LY96: variants seen among roughly 807,000 people sequenced by gnomAD.
LY96 encodes lymphocyte antigen 96.
A neutral mutation model predicts 18.9 loss-of-function variants in LY96; 18 were observed. The ratio of observed to expected loss-of-function variants is 0.95; its 90% CI spans 0.66 to 1.41. LY96 has a LOEUF of 1.41. LY96 is among the 40% of genes most tolerant of loss of function. The pLI, the probability that LY96 is intolerant of heterozygous loss-of-function variation, is 0.00. For synonymous variants in LY96, 66 were observed against 62.6 expected (o/e 1.06, Z -0.26); for missense variants, 175 against 182.4 (o/e 0.96, Z 0.23).
At chr8:73,997,162 C>A (rs911137932) in intron 1 of LY96, among the ~76,000 whole-genome samples, 2 of 152,202 alleles carry the variant, frequency 1.3e-5, no homozygotes, top group African/African-American at 4.8e-5. Flanking sequence ...CGGCCTTAAA[C>A]CTGTTTCTGT....
the LY96 span, among the ~76,000 whole-genome samples, chr8:74,057,295 C>A: frequency 6.6e-6 from 1 of 152,084 alleles, no homozygotes; most frequent in African/African-American, 2.4e-5. Flanking sequence ...TCAAAAGAAG[C>A]CTGCAGGCTT....
chr8:74,040,375 T>G, the LY96 span, among the ~76,000 whole-genome samples: 1 of 152,228 alleles, frequency 6.6e-6, no homozygotes, highest in Non-Finnish European at 1.5e-5. Flanking sequence ...TTTGGTTGCT[T>G]GTGCTTGTGG....
chr8:74,013,699 A>AG (rs1373716327), intron 3 of LY96, among the ~76,000 whole-genome samples: 2 of 152,174 alleles, frequency 1.3e-5, no homozygotes, highest in African/African-American at 4.8e-5. Flanking sequence ...TCAGAGGGTG[A>AG]GGGGGAAAAA....
chr8:74,024,794 C>T (rs1439021240), intron 3 of LY96, among the ~76,000 whole-genome samples: 6 of 151,822 alleles, frequency 4.0e-5, no homozygotes, highest in Non-Finnish European at 7.4e-5. Context: ...TTTTAGGGGT[C>T]TTTTTTTGGT....
At chr8:73,998,910 A>T (rs1002554429) in intron 1 of LY96, among the ~76,000 whole-genome samples, 4 of 151,052 alleles carry the variant, frequency 2.6e-5, no homozygotes, top group African/African-American at 9.7e-5. Context: ...AGTTTATTGT[A>T]TTCCTCCTGG....
At chr8:74,011,510 G>C (rs547149434) in intron 3 of LY96, among the ~76,000 whole-genome samples, 1 of 152,246 alleles carries the variant, frequency 6.6e-6, no homozygotes, top group South Asian at 2.1e-4. Context: ...TATTCAGAAT[G>C]TACAAAGAAC....
chr8:74,006,505 C>T (rs1464507645), intron 2 of LY96, among the ~76,000 whole-genome samples: 1 of 152,140 alleles, frequency 6.6e-6, no homozygotes, highest in Non-Finnish European at 1.5e-5. Flanking sequence ...GCCAATAAGA[C>T]ATTCTCCTGA....
chr8:74,037,477 T>A, the LY96 span, among the ~76,000 whole-genome samples: 1 of 151,494 alleles, frequency 6.6e-6, no homozygotes, highest in South Asian at 2.1e-4. Context: ...AAAAATAAAA[T>A]AAAAATTAGC....
At chr8:74,029,985 G>A (rs749342019), downstream of LY96, among the ~76,000 whole-genome samples, 8 of 152,140 alleles carry the variant, frequency 5.3e-5, no homozygotes, top group Non-Finnish European at 1.2e-4. Context: ...CCAGTCTTGG[G>A]TATTTCTTCA....
At chr8:74,007,711 T>G (rs777930855) in intron 2 of LY96, among the ~76,000 whole-genome samples, 92 of 152,228 alleles carry the variant, frequency 6.0e-4, no homozygotes, top group Non-Finnish European at 4.6e-4. Context: ...TGGAATTGTC[T>G]TTGGTAAGCT....
the LY96 span, among the ~76,000 whole-genome samples, chr8:74,056,970 G>C: frequency 2.0e-5 from 3 of 152,182 alleles, no homozygotes; most frequent in Admixed American, 6.5e-5. Context: ...GGCAGCGACA[G>C]ACAACTAAGT....
the LY96 span, among the ~76,000 whole-genome samples, chr8:74,067,547 A>T: frequency 6.6e-6 from 1 of 152,046 alleles, no homozygotes; most frequent in South Asian, 2.1e-4. Context: ...AGAGTTTGAC[A>T]CAGTGACTCC....
At chr8:74,060,248 T>C in the LY96 span, among the ~76,000 whole-genome samples, 1 of 152,222 alleles carries the variant, frequency 6.6e-6, no homozygotes, top group East Asian at 1.9e-4. Flanking sequence ...AAGTTAAGTG[T>C]CTGTCTGAGA....
chr8:74,038,800 T>A, the LY96 span, among the ~76,000 whole-genome samples: 4 of 152,234 alleles, frequency 2.6e-5, no homozygotes, highest in African/African-American at 9.6e-5. Context: ...ATCTTGGCTA[T>A]TGTGAATAGT....
Position 74,029,070 on chromosome 8 carries a change from TA to T in LY96, c.*25del, listed in dbSNP as rs111866638. 1.3e-4 allele frequency: 190 copies of T among 1,475,224 alleles called. No homozygotes were observed. Among genetic ancestry groups the T allele is most frequent in the Middle Eastern group, 2.0e-4 (1 of 5,024 alleles). 91.4% of individuals were successfully genotyped at this position (1,475,224 alleles called of 1,614,324 possible). ...TTCAAATTAGAATAAATTGAGTATTTAAAAAAAAATTTAAAGGTATTGTTCC... is the reference window on the plus strand; with the variant it reads ...TTCAAATTAGAATAAATTGAGTATTTAAAAAAAATTTAAAGGTATTGTTCC... On this transcript the variant is annotated 3_prime_UTR_variant, in exon 5 of 5. Coordinates refer to ENST00000284818, the MANE Select transcript of LY96 (RefSeq NM_015364.5).
At chr8:74,054,677 T>TTCTTTCTTTTC in the LY96 span, among the ~76,000 whole-genome samples, 1 of 147,460 alleles carries the variant, frequency 6.8e-6, no homozygotes, top group South Asian at 2.2e-4. Flanking sequence ...TCTTTCTTTT[T>TTCTTTCTTTTC]ATTTGAGATG....
chr8:74,021,967 T>C (rs1478842308), intron 3 of LY96, among the ~76,000 whole-genome samples: 3 of 152,138 alleles, frequency 2.0e-5, no homozygotes, highest in Admixed American at 6.5e-5. Context: ...AAATACCTAA[T>C]GTAAATGACT....
downstream of LY96, among the ~76,000 whole-genome samples, chr8:74,031,156 C>T (rs1468327355): frequency 6.6e-6 from 1 of 152,028 alleles, no homozygotes; most frequent in Non-Finnish European, 1.5e-5. Context: ...TAATTTCCTC[C>T]TTTCCTGTCC....
the LY96 span, among the ~76,000 whole-genome samples, chr8:74,080,396 G>A: frequency 1.3e-5 from 2 of 152,206 alleles, no homozygotes; most frequent in African/African-American, 4.8e-5. Context: ...GACACTGAAA[G>A]TGCTTTCAGA....
Sources: gnomAD v4.1 joint callset for allele counts (sites outside exome capture counted in the v4.1 genomes callset) on GRCh38, gnomAD v4.1.1 for gene constraint, MANE v1.5 for transcripts, NCBI Gene and HGNC (gene_info 2026-07-23, HGNC 2026-07-21) for gene names.